Variants in LRRTM4 observed in about 807,000 individuals in gnomAD.
LRRTM4 encodes the protein leucine rich repeat transmembrane neuronal 4.
Under a neutral mutation model 47.6 loss-of-function variants are expected in LRRTM4, and 25 were observed. The observed-to-expected ratio is 0.53, with a 90% CI of 0.38 to 0.73. LRRTM4 has a LOEUF of 0.73. LRRTM4 is among the 30% of genes least tolerant of loss of function. The probability of loss-of-function intolerance (pLI) is 0.00; values close to 1 mark genes in which losing one functional copy is unlikely to be tolerated. For synonymous variants in LRRTM4, 311 were observed against 269.5 expected, an observed-to-expected ratio of 1.15 and a Z score of -1.51; for missense variants, 638 against 713.4, an observed-to-expected ratio of 0.89 and a Z score of 1.20.
intron 3 of LRRTM4, among the ~76,000 whole-genome samples, chr2:76,978,589 T>G (rs1418000727): frequency 6.6e-6 from 1 of 152,064 alleles, no homozygotes; most frequent in East Asian, 1.9e-4. Flanking sequence ...GTGCACTTAA[T>G]CATTCCTTTG....
intron 3 of LRRTM4, among the ~76,000 whole-genome samples, chr2:77,122,423 A>ATG (rs755595339): frequency 3.6e-4 from 55 of 150,882 alleles, no homozygotes; most frequent in Non-Finnish European, 6.4e-4. Flanking sequence ...AAACATATAT[A>ATG]TGTGTGTGTA....
intron 3 of LRRTM4, among the ~76,000 whole-genome samples, chr2:77,330,056 C>T (rs1474656213): frequency 6.6e-6 from 1 of 152,098 alleles, no homozygotes; most frequent in African/African-American, 2.4e-5. Context: ...TCAGATCACA[C>T]CTGCTCCTCT....
At position 77,004,378 on chromosome 2, in the gene LRRTM4, T is replaced by C. The variant is rs576187982; in HGVS notation, c.1552-255462A>G. ...TGGCTAAAAGAGACCAAAGTGTATC[T>C]TGGGACATGGCTTGAGAGGGTGCAA... On this transcript the variant is annotated intron_variant, in intron 3 of 3. Coordinates refer to ENST00000409884, the MANE Select transcript of LRRTM4 (RefSeq NM_001134745.3). 3.9e-5 allele frequency among the ~76,000 whole-genome samples: 6 copies of C among 152,286 alleles called. No individual in the cohort carries two copies. The South Asian group carries it at 1.2e-3, about 32-fold the overall frequency.
intron 3 of LRRTM4, among the ~76,000 whole-genome samples, chr2:76,953,055 G>T (rs1484166956): frequency 1.3e-5 from 2 of 151,390 alleles, no homozygotes; most frequent in Admixed American, 6.6e-5. Flanking sequence ...TGGGAGAATG[G>T]TTCAAGAAAC....
At chr2:77,140,502 C>G (rs56038603) in intron 3 of LRRTM4, among the ~76,000 whole-genome samples, 5,880 of 152,044 alleles carry the variant, frequency 0.039, 170 homozygotes, top group Non-Finnish European at 0.055. Flanking sequence ...TTACATGTTA[C>G]ACCTAAAACC....
chr2:77,155,885 C>A lies in LRRTM4; in HGVS notation c.1551+362433G>T, dbSNP rs188197965. Among the ~76,000 whole-genome samples the A allele has an allele frequency of 8.5e-5, 13 of 152,102 alleles. No homozygotes were observed. The East Asian group carries it at 2.3e-3, about 27-fold the overall frequency. On this transcript the variant is annotated intron_variant, in intron 3 of 3. Coordinates refer to ENST00000409884, the MANE Select transcript of LRRTM4 (RefSeq NM_001134745.3). ...CTATCACATAACAGCTAACAGGGAA[C>A]CTTTTAAGTTTCTCACCACAGATAA...
chr2:77,367,958 C>T (rs1406495994), intron 3 of LRRTM4, among the ~76,000 whole-genome samples: 4 of 151,832 alleles, frequency 2.6e-5, no homozygotes, highest in East Asian at 1.9e-4. Flanking sequence ...TTTGCATTAG[C>T]TACATTTTAG....
At chr2:77,079,481 A>G (rs1208445031) in intron 3 of LRRTM4, among the ~76,000 whole-genome samples, 2 of 152,212 alleles carry the variant, frequency 1.3e-5, no homozygotes, top group Non-Finnish European at 2.9e-5. Flanking sequence ...TGAATGCAGC[A>G]CAACACAAAC....
At chr2:76,855,841 C>G (rs190678034) in intron 3 of LRRTM4, among the ~76,000 whole-genome samples, 1 of 151,962 alleles carries the variant, frequency 6.6e-6, no homozygotes, top group Non-Finnish European at 1.5e-5. Context: ...GCACAAATAA[C>G]GCTGTTATTG....
chr2:77,392,702 G>A lies in LRRTM4; in HGVS notation c.1551+125616C>T, dbSNP rs182870999. ...CATAGAAACAGAGAGTAAAATATTGGTTACCAGAGGCTGTGGGCTGCAGAT... is the reference window on the plus strand; with the variant it reads ...CATAGAAACAGAGAGTAAAATATTGATTACCAGAGGCTGTGGGCTGCAGAT... On this transcript the variant is annotated intron_variant, in intron 3 of 3. Transcript: ENST00000409884. Among the ~76,000 whole-genome samples, 42 of 152,038 alleles carry A rather than the reference G, an allele frequency of 2.8e-4. No individual in the cohort carries two copies. The Middle Eastern group carries it at 0.01, about 37-fold the overall frequency.
intron 3 of LRRTM4, among the ~76,000 whole-genome samples, chr2:77,211,566 A>G (rs2103923598): frequency 6.6e-6 from 1 of 152,304 alleles, no homozygotes; most frequent in South Asian, 2.1e-4. Flanking sequence ...TATCAATAAT[A>G]TATTAAGAGT....
At chr2:77,271,493 C>T (rs1676190174) in intron 3 of LRRTM4, among the ~76,000 whole-genome samples, 1 of 152,176 alleles carries the variant, frequency 6.6e-6, no homozygotes, top group Non-Finnish European at 1.5e-5. Flanking sequence ...CGCTCACTCA[C>T]GTGCTCCCTC....
chr2:77,122,684 C>A (rs1025118761), intron 3 of LRRTM4, among the ~76,000 whole-genome samples: 1 of 151,552 alleles, frequency 6.6e-6, no homozygotes, highest in African/African-American at 2.4e-5. Context: ...TGCTATTCAC[C>A]ATAAATTTTT....
At chr2:76,846,630 T>C (rs940113924) in intron 3 of LRRTM4, among the ~76,000 whole-genome samples, 25 of 152,150 alleles carry the variant, frequency 1.6e-4, no homozygotes, top group African/African-American at 4.6e-4. Flanking sequence ...AAAATATATA[T>C]GGATAGTTGA....
chr2:76,907,595 G>A (rs1445582297), intron 3 of LRRTM4, among the ~76,000 whole-genome samples: 2 of 139,038 alleles, frequency 1.4e-5, no homozygotes, highest in East Asian at 4.5e-4. Flanking sequence ...TAGACCACTA[G>A]CAAGACTAAT....
chr2:77,278,077 G>T (rs2104091360), intron 3 of LRRTM4, among the ~76,000 whole-genome samples: 1 of 151,974 alleles, frequency 6.6e-6, no homozygotes, highest in East Asian at 1.9e-4. Flanking sequence ...ATTTTACTTG[G>T]AAAGGTCACA....
intron 3 of LRRTM4, among the ~76,000 whole-genome samples, chr2:77,055,565 A>T (rs1679575146): frequency 6.6e-6 from 1 of 152,186 alleles, no homozygotes; most frequent in East Asian, 1.9e-4. Flanking sequence ...GATGTGGAGA[A>T]ATAGGAACAC....
intron 3 of LRRTM4, among the ~76,000 whole-genome samples, chr2:77,220,575 C>T (rs6705337): frequency 0.51 from 77,141 of 151,930 alleles, 20,082 homozygotes; most frequent in Admixed American, 0.57. Flanking sequence ...CCTCAGTAAC[C>T]GATGTGATCA....
At chr2:76,866,813 C>T (rs1672483199) in intron 3 of LRRTM4, among the ~76,000 whole-genome samples, 1 of 152,096 alleles carries the variant, frequency 6.6e-6, no homozygotes, top group Non-Finnish European at 1.5e-5. Context: ...CATACGAGTG[C>T]ATGTGTCTTT....
Sources: allele counts gnomAD v4.1 joint callset (sites outside exome capture counted in the v4.1 genomes callset), GRCh38; gene constraint gnomAD v4.1.1; transcripts MANE v1.5; gene names NCBI Gene and HGNC (gene_info 2026-07-23, HGNC 2026-07-21).